Variants in FOXN3 observed in about 807,000 individuals in gnomAD.
The protein encoded by FOXN3 is forkhead box protein N3.
Under a neutral mutation model 38.4 loss-of-function variants are expected in FOXN3, and 7 were observed. The ratio of observed to expected loss-of-function variants is 0.18; its 90% CI spans 0.10 to 0.34. The LOEUF is 0.34. Among genes scored for constraint, FOXN3 ranks in the 10% least tolerant of loss-of-function variants. The pLI, the probability that FOXN3 is intolerant of heterozygous loss-of-function variation, is 1.00. For missense variants in FOXN3, 456 were observed against 613.4 expected (o/e 0.74, Z 2.71); for synonymous variants, 230 against 242.2 (o/e 0.95, Z 0.47).
intron 2 of FOXN3, among the ~76,000 whole-genome samples, chr14:89,398,677 T>C (rs1781947898): frequency 6.6e-6 from 1 of 152,088 alleles, no homozygotes; most frequent in African/African-American, 2.4e-5. Flanking sequence ...CAAAGTTCCA[T>C]ATTACTTTTC....
At chr14:89,438,958 C>T (rs1892324097) in intron 1 of FOXN3, among the ~76,000 whole-genome samples, 1 of 152,068 alleles carries the variant, frequency 6.6e-6, no homozygotes, top group Non-Finnish European at 1.5e-5. Context: ...AGAGTTTCTC[C>T]ATGTTGGTCG....
chr14:89,178,512 C>G (rs2139792959), intron 5 of FOXN3, among the ~76,000 whole-genome samples: 1 of 152,296 alleles, frequency 6.6e-6, no homozygotes, highest in South Asian at 2.1e-4. Context: ...CCTACTGAAC[C>G]TGTCTGATAC....
At position 89,464,125 on chromosome 14, in the gene FOXN3, G is replaced by T. The variant is rs141580784; in HGVS notation, c.-14-51635C>A. ...GCCCACTGTTCCCTGCCAAGGTAGT[G>T]CAGACAGAGTGGATCCCAGTCTCCT... On this transcript the variant is annotated intron_variant, in intron 1 of 6. Coordinates refer to the FOXN3 transcript ENST00000345097. Among the ~76,000 whole-genome samples, 68 of 152,286 alleles carry T rather than the reference G, an allele frequency of 4.5e-4. 1 individual carries two copies. The highest frequency in any genetic ancestry group is 1.5e-3 in the African/African-American group (63 of 41,558).
At chr14:89,463,777 TC>T (rs1298314959) in intron 1 of FOXN3, among the ~76,000 whole-genome samples, 84 of 129,188 alleles carry the variant, frequency 6.5e-4, no homozygotes, top group African/African-American at 2.2e-3. Flanking sequence ...GGTAGTGGTC[TC>T]TCTCTCTTTT....
Position 89,463,784 on chromosome 14 carries a change from C to CTCTTTT in FOXN3, c.-14-51295_-14-51294insAAAAGA, listed in dbSNP as rs955571584. Among the ~76,000 whole-genome samples the CTCTTTT allele has an allele frequency of 4.8e-3, 672 of 138,644 alleles. 7 individuals are homozygous for CTCTTTT. The highest frequency in any genetic ancestry group is 0.017 in the African/African-American group (648 of 37,264). 91.0% of individuals were successfully genotyped at this position (138,644 alleles called of 152,430 possible). On this transcript the variant is annotated intron_variant, in intron 1 of 6. Transcript: ENST00000345097. ...TATGCAGGGGTAGTGGTCTCTCTCT[C>CTCTTTT]TTTTTTTTTTTTTTTTTGAGATGGA...
intron 5 of FOXN3, among the ~76,000 whole-genome samples, chr14:89,165,345 G>C (rs771264978): frequency 1.3e-5 from 2 of 152,214 alleles, no homozygotes; most frequent in Non-Finnish European, 2.9e-5. Flanking sequence ...GAACTGTCCT[G>C]AGCACAGAGC....
chr14:89,354,543 T>TAA lies in FOXN3; in HGVS notation c.544-3737_544-3736dup, dbSNP rs760406905. ...CGCCCGGCCGTGGAGTGCTTTTTAT[T>TAA]AAAAAAAAAAAAAAAAAAGAAAAGA... is the stretch of plus-strand genomic sequence containing the variant. On this transcript the variant is annotated intron_variant, in intron 2 of 5. Coordinates refer to ENST00000557258, the MANE Select transcript of FOXN3 (RefSeq NM_005197.4). 1.6e-3 allele frequency among the ~76,000 whole-genome samples: 192 copies of TAA among 121,590 alleles called. 1 individual carries two copies. The highest frequency in any genetic ancestry group is 5.5e-3 in the African/African-American group (177 of 32,382). 79.8% of individuals were successfully genotyped at this position (121,590 alleles called of 152,430 possible).
At chr14:89,488,388 G>A (rs1446399263) in intron 1 of FOXN3, among the ~76,000 whole-genome samples, 3 of 152,020 alleles carry the variant, frequency 2.0e-5, no homozygotes, top group South Asian at 4.1e-4. Context: ...ACTCATGCCT[G>A]TAATCCCAGC....
intron 2 of FOXN3, among the ~76,000 whole-genome samples, chr14:89,403,686 C>T (rs1179875354): frequency 1.3e-5 from 2 of 152,178 alleles, no homozygotes; most frequent in Non-Finnish European, 2.9e-5. Context: ...TAGACCTATC[C>T]AGGTGCCACA....
At chr14:89,239,167 C>T (rs533406703) in intron 4 of FOXN3, among the ~76,000 whole-genome samples, 8 of 152,148 alleles carry the variant, frequency 5.3e-5, no homozygotes, top group Admixed American at 2.0e-4. Flanking sequence ...GTCAAGCCAG[C>T]GGAACCACAA....
chr14:89,343,930 T>G (rs1409328591), intron 3 of FOXN3, among the ~76,000 whole-genome samples: 1 of 152,102 alleles, frequency 6.6e-6, no homozygotes, highest in Non-Finnish European at 1.5e-5. Flanking sequence ...CCAGCTAATT[T>G]TTGTATTTTT....
intron 1 of FOXN3, among the ~76,000 whole-genome samples, chr14:89,433,653 A>C (rs1892212132): frequency 6.6e-6 from 1 of 151,698 alleles, no homozygotes; most frequent in Non-Finnish European, 1.5e-5. Flanking sequence ...AAATACAAAA[A>C]ATTAGCCAGG....
chr14:89,549,772 G>A (rs1444274365), intron 1 of FOXN3, among the ~76,000 whole-genome samples: 1 of 152,190 alleles, frequency 6.6e-6, no homozygotes, highest in Non-Finnish European at 1.5e-5. Context: ...TTTTCATCTT[G>A]GAGGCTGCAA....
chr14:89,520,688 T>C (rs1894300266), intron 1 of FOXN3, among the ~76,000 whole-genome samples: 1 of 152,164 alleles, frequency 6.6e-6, no homozygotes, highest in Non-Finnish European at 1.5e-5. Flanking sequence ...TTAACATTTT[T>C]CAAGAATAAC....
At chr14:89,440,691 C>T (rs1892364502) in intron 1 of FOXN3, among the ~76,000 whole-genome samples, 1 of 152,210 alleles carries the variant, frequency 6.6e-6, no homozygotes, top group Admixed American at 6.5e-5. Flanking sequence ...CCACCCTTAT[C>T]TCCCTTCGCT....
At chr14:89,364,881 T>C (rs1343279625) in intron 2 of FOXN3, among the ~76,000 whole-genome samples, 1 of 152,216 alleles carries the variant, frequency 6.6e-6, no homozygotes, top group Non-Finnish European at 1.5e-5. Context: ...GTAAGGACTC[T>C]TGTAAATGCT....
intron 4 of FOXN3, among the ~76,000 whole-genome samples, chr14:89,272,248 G>A (rs1367981692): frequency 6.6e-6 from 1 of 152,062 alleles, no homozygotes; most frequent in African/African-American, 2.4e-5. Flanking sequence ...GGGAGGCGGA[G>A]GTTGCAGTGA....
At chr14:89,258,275 A>G (rs926223192) in intron 4 of FOXN3, among the ~76,000 whole-genome samples, 3 of 152,176 alleles carry the variant, frequency 2.0e-5, no homozygotes, top group African/African-American at 4.8e-5. Flanking sequence ...TTCATGTTCT[A>G]TATTATTTCA....
At chr14:89,366,665 A>G (rs1890168089) in intron 2 of FOXN3, among the ~76,000 whole-genome samples, 1 of 152,214 alleles carries the variant, frequency 6.6e-6, no homozygotes, top group Non-Finnish European at 1.5e-5. Flanking sequence ...TATTGAATGA[A>G]GTGGAGGGGG....
Sources: gnomAD v4.1 joint callset for allele counts (sites outside exome capture counted in the v4.1 genomes callset) on GRCh38, gnomAD v4.1.1 for gene constraint, MANE v1.5 for transcripts, NCBI Gene and HGNC (gene_info 2026-07-23, HGNC 2026-07-21) for gene names.